The following TMEM245 variants were observed in gnomAD, a reference collection of about 807,000 sequenced individuals.
TMEM245 encodes protein CG-2.
Under a neutral mutation model 101.2 loss-of-function variants are expected in TMEM245, and 69 were observed. The ratio of observed to expected loss-of-function variants is 0.68; its 90% CI spans 0.56 to 0.83. The LOEUF (loss-of-function observed/expected upper bound fraction) is 0.83. Among genes scored for constraint, TMEM245 ranks in the 40% least tolerant of loss-of-function variants. The probability of loss-of-function intolerance (pLI) is 0.00; values close to 1 mark genes in which losing one functional copy is unlikely to be tolerated. For synonymous variants in TMEM245, 537 were observed against 449.8 expected (o/e 1.19, Z -2.45); for missense variants, 1,075 against 1,092.8 (o/e 0.98, Z 0.23).
chr9:109,088,727 G>T (rs1425015474), intron 5 of TMEM245, among the ~76,000 whole-genome samples: 2 of 146,674 alleles, frequency 1.4e-5, no homozygotes, highest in Non-Finnish European at 3.0e-5. Flanking sequence ...TGAGGCAGGA[G>T]AAAGTGTGAA....
At chr9:109,093,423 T>C (rs1830060030) in intron 4 of TMEM245, 52 bp downstream of exon 4, 5 of 1,476,668 alleles carry the variant, frequency 3.4e-6, no homozygotes, top group Non-Finnish European at 4.7e-6. Flanking sequence ...TTACTTTCTA[T>C]GTACATTTCA....
At chr9:109,073,521 A>G in intron 8 of TMEM245, 83 bp from the exon 9 acceptor site, 1 of 1,104,692 alleles carries the variant, frequency 9.1e-7, no homozygotes, top group Non-Finnish European at 1.3e-6. Context: ...TATTATTGGA[A>G]CAATGCTTTG....
chr9:109,087,911 A>G (rs960275542), intron 5 of TMEM245, among the ~76,000 whole-genome samples: 1 of 152,206 alleles, frequency 6.6e-6, no homozygotes, highest in Admixed American at 6.5e-5. Flanking sequence ...TCAGTAGAGA[A>G]GCAAGCTGAA....
intron 1 of TMEM245, among the ~76,000 whole-genome samples, chr9:109,117,756 T>G (rs1017503804): frequency 1.3e-4 from 20 of 152,256 alleles, no homozygotes; most frequent in African/African-American, 4.6e-4. Context: ...TCCTATAGTT[T>G]GATGGATATG....
At chr9:109,085,948 G>C (rs1829820479) in intron 7 of TMEM245, 49 bp downstream of exon 7, 1 of 1,591,210 alleles carries the variant, frequency 6.3e-7, no homozygotes, top group Non-Finnish European at 8.6e-7. Context: ...GCGATACAGG[G>C]GCATTACGGA....
Position 109,119,908 on chromosome 9 carries a change from G to T in TMEM245, c.6C>A (p.Ala2=). 2 of 1,275,408 alleles carry T rather than the reference G, an allele frequency of 1.6e-6. No individual in the cohort carries two copies. The highest frequency in any genetic ancestry group is 2.0e-6 in the Non-Finnish European group (2 of 1,015,830). 79.0% of individuals were successfully genotyped at this position (1,275,408 alleles called of 1,614,324 possible). Residue 2 remains alanine (A), a synonymous_variant, in exon 1 of 18, where the codon GCC becomes GCA. Transcript: ENST00000374586. The part of the protein sequence containing the change: M[A]DGGGPKDAPS... ...GCGCGTCCTTAGGGCCGCCGCCGTC[G>T]GCCATCGTTCCTCCGCCACAGCCGC... is the stretch of plus-strand genomic sequence containing the variant.
intron 11 of TMEM245, 67 bp downstream of exon 11, chr9:109,060,287 C>G: frequency 1.8e-6 from 2 of 1,118,924 alleles, no homozygotes; most frequent in South Asian, 2.8e-5. Context: ...ATAATCCTAT[C>G]TAGTTGATGA....
In TMEM245 at chr9:109,091,118, G is replaced by A. The variant is rs763529198; in HGVS notation, c.954C>T (p.Ser318=). 5 of 1,614,096 alleles carry A rather than the reference G, an allele frequency of 3.1e-6. No homozygotes were observed. The Admixed American group carries it at 5.0e-5, about 16-fold the overall frequency. Reference sequence around the variant, plus strand: ...AAGGGGAGGAGGGTGAAGGGGAGGTGGACAACGTTGGAGCGGATTCTCCCC... The same window carrying A: ...AAGGGGAGGAGGGTGAAGGGGAGGTAGACAACGTTGGAGCGGATTCTCCCC... The part of the protein sequence containing the change: ...VDRGESAPTL[S]TSPSPSSPSP... The change falls in exon 5 of 18, where the codon TCC becomes TCT. Residue 318 remains serine, a synonymous_variant. Transcript: ENST00000374586.
At chr9:109,063,412 C>T (rs1345812690) in intron 10 of TMEM245, among the ~76,000 whole-genome samples, 3 of 152,192 alleles carry the variant, frequency 2.0e-5, no homozygotes, top group Non-Finnish European at 4.4e-5. Flanking sequence ...TGAGCCACCA[C>T]GGCCAGCCTG....
intron 10 of TMEM245, among the ~76,000 whole-genome samples, chr9:109,061,800 C>T (rs796374327): frequency 3.3e-5 from 5 of 152,178 alleles, no homozygotes; most frequent in African/African-American, 1.2e-4. Context: ...AACTCCTAAC[C>T]TCAAGTGATC....
At chr9:109,096,974 A>G (rs763027674) in intron 3 of TMEM245, among the ~76,000 whole-genome samples, 1 of 152,236 alleles carries the variant, frequency 6.6e-6, no homozygotes, top group Non-Finnish European at 1.5e-5. Flanking sequence ...ATATGCTGAT[A>G]TAAGAGACTA....
At chr9:109,043,039 G>C (rs1473027754) in intron 14 of TMEM245, among the ~76,000 whole-genome samples, 1 of 151,832 alleles carries the variant, frequency 6.6e-6, no homozygotes, top group Non-Finnish European at 1.5e-5. Flanking sequence ...CTGTGCATAT[G>C]CAAGTTTTGG....
At chr9:109,025,333 A>C (rs189898091) in intron 17 of TMEM245, among the ~76,000 whole-genome samples, 1 of 152,310 alleles carries the variant, frequency 6.6e-6, no homozygotes, top group Admixed American at 6.5e-5. Context: ...GGCCTACCAA[A>C]GTGCTGGGAT....
chr9:109,104,701 G>GA (rs1215135212), intron 3 of TMEM245, among the ~76,000 whole-genome samples: 2 of 152,158 alleles, frequency 1.3e-5, no homozygotes, highest in Non-Finnish European at 2.9e-5. Context: ...ATAGATCAGT[G>GA]AAACACAACA....
intron 10 of TMEM245, among the ~76,000 whole-genome samples, chr9:109,060,892 C>T (rs1193297658): frequency 2.0e-5 from 3 of 152,116 alleles, no homozygotes; most frequent in Non-Finnish European, 4.4e-5. Context: ...ACGAATCCTT[C>T]CTCTATTTGC....
rs142163087 is a variant in TMEM245 at position 109,038,427 on chromosome 9, C to T, written c.2124-310G>A. The T allele has an allele frequency of 4.0e-4, 77 of 192,030 alleles. No individual in the cohort carries two copies. The East Asian group carries it at 0.01, about 26-fold the overall frequency. 11.9% of individuals were successfully genotyped at this position (192,030 alleles called of 1,614,324 possible). A position where few individuals can be genotyped will look rare whatever the true frequency, so the allele number is the denominator to read the frequency against. ...TCTCTGAAATAATTCATCAACTTTT[C>T]ACTCTGAAGCAGATATTTCACCACC... On this transcript the variant is annotated intron_variant, in intron 14 of 17. Coordinates refer to ENST00000374586, the MANE Select transcript of TMEM245 (RefSeq NM_032012.4).
chr9:109,055,951 G>A (rs1419926068), intron 12 of TMEM245, among the ~76,000 whole-genome samples: 2 of 152,080 alleles, frequency 1.3e-5, no homozygotes, highest in African/African-American at 4.8e-5. Flanking sequence ...CTGTTTCAAA[G>A]GCAAGTTGAA....
At chr9:109,048,913 C>A (rs531672578) in intron 14 of TMEM245, among the ~76,000 whole-genome samples, 2 of 152,310 alleles carry the variant, frequency 1.3e-5, no homozygotes, top group South Asian at 4.1e-4. Flanking sequence ...AGATAAACAA[C>A]GATTCTGCAT....
At chr9:109,041,873 G>A (rs1171757429) in intron 14 of TMEM245, among the ~76,000 whole-genome samples, 1 of 152,002 alleles carries the variant, frequency 6.6e-6, no homozygotes, top group Non-Finnish European at 1.5e-5. Context: ...GTTCACACCT[G>A]TAATCCTAAC....
Sources: gnomAD v4.1 joint callset for allele counts (sites outside exome capture counted in the v4.1 genomes callset) on GRCh38, gnomAD v4.1.1 for gene constraint, MANE v1.5 for transcripts, NCBI Gene and HGNC (gene_info 2026-07-23, HGNC 2026-07-21) for gene names.